LRIG2: variants seen among roughly 807,000 people sequenced by gnomAD.
The protein encoded by LRIG2 is leucine rich repeats and immunoglobulin like domains 2.
LRIG2 carries 93 observed loss-of-function variants against 107.8 expected under a neutral mutation model. The observed-to-expected ratio is 0.86, with a 90% confidence interval of 0.73 to 1.03. LRIG2 has a LOEUF of 1.03. Ranked by LOEUF, LRIG2 falls within the 50% of genes least tolerant of loss-of-function variation. The pLI is 0.00. For synonymous variants in LRIG2, 471 were observed against 470.6 expected (o/e 1.00, Z -0.01); for missense variants, 1,226 against 1,296.0 (o/e 0.95, Z 0.83).
intron 9 of LRIG2, 98 bp from the exon 10 acceptor site, chr1:113,100,113 G>T (rs911106442): frequency 3.2e-6 from 2 of 627,020 alleles, no homozygotes; most frequent in Admixed American, 6.6e-5. Context: ...ATATAAAAAA[G>T]TACGCTACGC....
chr1:113,073,912 G>A (rs978272867), intron 1 of LRIG2, among the ~76,000 whole-genome samples: 3 of 149,390 alleles, frequency 2.0e-5, no homozygotes, highest in Non-Finnish European at 4.4e-5. Flanking sequence ...GGGAGGAAAT[G>A]GGGCGGGCAT....
intron 1 of LRIG2, among the ~76,000 whole-genome samples, chr1:113,082,653 C>T (rs1303094250): frequency 2.6e-5 from 4 of 152,012 alleles, no homozygotes; most frequent in Admixed American, 1.3e-4. Flanking sequence ...CAGGGTCTCT[C>T]TTATTTATTT....
chr1:113,121,210 G>A (rs1444811754), intron 17 of LRIG2, among the ~76,000 whole-genome samples: 5 of 152,168 alleles, frequency 3.3e-5, no homozygotes, highest in Non-Finnish European at 7.3e-5. Flanking sequence ...TATGAGGTAT[G>A]ATCAAGGTCA....
Position 113,100,467 on chromosome 1 carries a change from C to T in LRIG2, c.1292C>T (p.Ser431Phe). 2 of 1,524,218 alleles carry T rather than the reference C, an allele frequency of 1.3e-6. No individual in the cohort carries two copies. The highest frequency in any genetic ancestry group is 1.8e-6 in the Non-Finnish European group (2 of 1,104,218). The allele number at this position is 1,524,218 out of a possible 1,614,324, so 94.4% of individuals were successfully genotyped here. The change falls in exon 11 of 18, where the codon TCT (serine) becomes TTT (phenylalanine). Residue 431 changes from serine to phenylalanine, a missense_variant. Around this residue, in one of 3 missense-constraint regions of LRIG2, gnomAD observed 570 missense variants for 550.2 expected, o/e 1.04. Transcript: ENST00000361127. ...ATGTCTATCCAAGAAAATGCTTTTT[C>T]TCAGACTCATTTAAAAGAACTGTAA... ...AIMSIQENAF[S>F]QTHLKELILN... is the part of the protein sequence containing the mutation.
intron 1 of LRIG2, among the ~76,000 whole-genome samples, chr1:113,088,735 A>G (rs114071393): frequency 8.5e-5 from 13 of 152,346 alleles, no homozygotes; most frequent in Non-Finnish European, 1.8e-4. Context: ...AGAATATCTA[A>G]CTTAAATTAA....
chr1:113,106,853 T>C (rs1181136229), intron 11 of LRIG2, among the ~76,000 whole-genome samples: 2 of 152,202 alleles, frequency 1.3e-5, no homozygotes, highest in East Asian at 1.9e-4. Context: ...ACAATAATTA[T>C]ATGTTGTCTA....
chr1:113,116,352 C>T lies in LRIG2; in HGVS notation c.2596C>T (p.Gln866Ter). 1 of 1,614,038 alleles carries T rather than the reference C, an allele frequency of 6.2e-7. No homozygotes were observed. Among genetic ancestry groups the T allele is most frequent in the African/African-American group, 1.3e-5 (1 of 75,048 alleles). The change falls in exon 16 of 18, where the codon CAG becomes TAG. Residue 866 changes from glutamine (Q) to a stop codon, truncating the protein, a stop_gained. Transcript: ENST00000361127. LOFTEE classifies it high-confidence loss of function. Reference protein sequence around the residue: ...LSSQGTLSEPQEGYSNSEAGS... With the variant: ...LSSQGTLSEP Reference sequence around the variant, plus strand: ...TTCCCAAGGAACGCTGTCTGAGCCACAGGAAGGCTACAGCAACTCTGAGGC... The same window carrying T: ...TTCCCAAGGAACGCTGTCTGAGCCATAGGAAGGCTACAGCAACTCTGAGGC...
chr1:113,093,007 AAAAG>A (rs1284415086), intron 2 of LRIG2, among the ~76,000 whole-genome samples, 195 bp from the exon 3 acceptor site: 1 of 152,102 alleles, frequency 6.6e-6, no homozygotes, highest in East Asian at 1.9e-4. Flanking sequence ...AAAGAAAAAA[AAAAG>A]AAAGAAAATA....
Position 113,126,105 on chromosome 1 carries a change from A to G in LRIG2, c.*2004A>G, listed in dbSNP as rs1157478149. 6.6e-6 allele frequency: 1 copy of G among 152,164 alleles called. No individual in the cohort carries two copies. Among genetic ancestry groups the G allele is most frequent in the African/African-American group, 2.4e-5 (1 of 41,432 alleles). 9.4% of individuals were successfully genotyped at this position (152,164 alleles called of 1,614,324 possible). ...CACCATTTCTGATTGTGTCTGGAGAACGTTTTCCTGGAAAGGCATTCCATG... is the reference window on the plus strand; with the variant it reads ...CACCATTTCTGATTGTGTCTGGAGAGCGTTTTCCTGGAAAGGCATTCCATG... On this transcript the variant is annotated 3_prime_UTR_variant, in exon 18 of 18. Coordinates refer to ENST00000361127, the MANE Select transcript of LRIG2 (RefSeq NM_014813.3).
Position 113,110,267 on chromosome 1 carries a change from G to A in LRIG2, c.1503G>A (p.Arg501=). ...VCDDFLKPQI[R]THPETIIALR... ...ATGATTTTCTCAAGCCACAGATAAG[G>A]ACACATCCTGAAACCATAATTGCTC... The change falls in exon 13 of 18, where the codon AGG becomes AGA. Residue 501 remains arginine, a synonymous_variant. Transcript: ENST00000361127. 6.2e-7 allele frequency: 1 copy of A among 1,611,246 alleles called. No homozygotes were observed.
intron 11 of LRIG2, among the ~76,000 whole-genome samples, chr1:113,101,394 C>G (rs1654304864): frequency 6.6e-6 from 1 of 152,096 alleles, no homozygotes; most frequent in African/African-American, 2.4e-5. Context: ...TCTATTGATT[C>G]AAATATGCAG....
intron 17 of LRIG2, among the ~76,000 whole-genome samples, chr1:113,122,014 C>G (rs1039463714): frequency 2.0e-5 from 3 of 151,708 alleles, no homozygotes; most frequent in African/African-American, 7.3e-5. Flanking sequence ...TACTTCATGT[C>G]CCACATTAGA....
Position 113,125,541 on chromosome 1 carries a change from C to T in LRIG2, c.*1440C>T, listed in dbSNP as rs961029322. The stretch of plus-strand genomic sequence containing the variant: ...TCCTTCAGGAACCAATGAGTTAGAT[C>T]GGGTTGTTACTTTATGTATAATGAA... On this transcript the variant is annotated 3_prime_UTR_variant, in exon 18 of 18. Transcript: ENST00000361127. 6.6e-6 allele frequency: 1 copy of T among 152,042 alleles called. No individual in the cohort carries two copies. Among genetic ancestry groups the T allele is most frequent in the African/African-American group, 2.4e-5 (1 of 41,374 alleles). 9.4% of individuals were successfully genotyped at this position (152,042 alleles called of 1,614,324 possible).
intron 1 of LRIG2, among the ~76,000 whole-genome samples, chr1:113,090,461 G>C (rs934327510): frequency 1.3e-5 from 2 of 151,768 alleles, no homozygotes; most frequent in African/African-American, 4.8e-5. Flanking sequence ...TTGAAATTCA[G>C]ATACATTTTT....
At chr1:113,078,439 A>G (rs1362174990) in intron 1 of LRIG2, among the ~76,000 whole-genome samples, 6 of 151,796 alleles carry the variant, frequency 4.0e-5, no homozygotes, top group Non-Finnish European at 8.8e-5. Context: ...GGGTTTCACC[A>G]TGTTGGCCAG....
chr1:113,116,225 T>G lies in LRIG2; in HGVS notation c.2531-62T>G, dbSNP rs539574246. On this transcript the variant is annotated intron_variant, in intron 15 of 17. Transcript: ENST00000361127. The stretch of plus-strand genomic sequence containing the variant: ...ATCAAAGTGGAACACATTTGCAAAA[T>G]AGTCTTCTGAGTGTTGGCTTCAACT... 3.7e-5 allele frequency: 55 copies of G among 1,468,180 alleles called. No individual in the cohort carries two copies. In the South Asian group the frequency reaches 4.9e-4, roughly 13 times the overall value. 90.9% of individuals were successfully genotyped at this position (1,468,180 alleles called of 1,614,324 possible).
chr1:113,103,874 G>C (rs1030777196), intron 11 of LRIG2: 3 of 152,294 alleles, frequency 2.0e-5, no homozygotes, highest in African/African-American at 7.2e-5. Context: ...TACCTCCTGG[G>C]CTTGAAGGTC....
At chr1:113,122,697 T>G (rs756716353) in intron 17 of LRIG2, among the ~76,000 whole-genome samples, 1 of 152,174 alleles carries the variant, frequency 6.6e-6, no homozygotes, top group African/African-American at 2.4e-5. Flanking sequence ...TATCCTAGCT[T>G]CTTCTTACTC....
Position 113,102,422 on chromosome 1 carries a change from A to G in LRIG2, c.1313+1934A>G, listed in dbSNP as rs955656973. On this transcript the variant is annotated intron_variant, in intron 11 of 17. Transcript: ENST00000361127. ...TAGCTGGGACTACAGGTGCCCCCCA[A>G]CCACGCCCGGTTAATTTTTTTGTAT... 4.1e-5 allele frequency among the ~76,000 whole-genome samples: 6 copies of G among 145,794 alleles called. No individual in the cohort carries two copies. The East Asian group carries it at 7.8e-4, about 19-fold the overall frequency.
Sources: gnomAD v4.1 joint callset for allele counts (sites outside exome capture counted in the v4.1 genomes callset) on GRCh38, gnomAD v4.1.1 for gene constraint, gnomAD v4.1.1 regional missense constraint, MANE v1.5 for transcripts, NCBI Gene and HGNC (gene_info 2026-07-23, HGNC 2026-07-21) for gene names.